Variants in STAG3 observed in about 807,000 individuals in gnomAD.
STAG3 encodes the protein cohesin subunit SA-3.
STAG3 carries 101 observed loss-of-function variants against 160.7 expected under a neutral mutation model. The ratio of observed to expected loss-of-function variants is 0.63; its 90% CI spans 0.54 to 0.74. STAG3 has a LOEUF of 0.74. Among genes scored for constraint, STAG3 ranks in the 30% least tolerant of loss-of-function variants. The pLI is 0.00. For synonymous variants in STAG3, 519 were observed against 585.0 expected (o/e 0.89, Z 1.63); for missense variants, 1,188 against 1,517.4 (o/e 0.78, Z 3.61).
intron 8 of STAG3, among the ~76,000 whole-genome samples, chr7:100,190,030 A>G (rs1378336834): frequency 1.3e-5 from 2 of 152,194 alleles, no homozygotes; most frequent in Non-Finnish European, 2.9e-5. Context: ...AACTCGCTTT[A>G]AATTCTGTTG....
intron 29 of STAG3, among the ~76,000 whole-genome samples, chr7:100,206,590 G>C (rs1801676282): frequency 6.6e-6 from 1 of 151,852 alleles, no homozygotes; most frequent in Admixed American, 6.6e-5. Flanking sequence ...TCCTCCCTCA[G>C]CCTCCTGAGT....
At chr7:100,205,496 T>G in intron 29 of STAG3, 112 bp downstream of exon 29, 3 of 1,164,424 alleles carry the variant, frequency 2.6e-6, no homozygotes, top group Non-Finnish European at 3.5e-6. Context: ...GGGTATTAAT[T>G]TCTTTCAAGG....
chr7:100,198,525 T>C lies in STAG3; in HGVS notation c.1295T>C (p.Val432Ala), dbSNP rs773267767. Residue 432 changes from valine to alanine, a missense_variant, in exon 13 of 34, where the codon GTT (valine) becomes GCT (alanine). By Grantham distance (64) the Val-to-Ala change is moderately conservative. Around this residue, in one of 4 missense-constraint regions of STAG3, gnomAD observed 240 missense variants for 358.1 expected, o/e 0.67. Coordinates refer to ENST00000615138, the MANE Select transcript of STAG3 (RefSeq NM_001282717.2). Reference protein sequence around the residue: ...TDADCESVYPVVYASHRGLAS... With the variant: ...TDADCESVYPAVYASHRGLAS... ...GCGGATTGTGAGAGCGTCTACCCAG[T>C]TGTGTATGCCTCTCATCGAGGCCTG... is the stretch of plus-strand genomic sequence containing the variant. 1 of 1,614,188 alleles carries C rather than the reference T, an allele frequency of 6.2e-7. No homozygotes were observed. The highest frequency in any genetic ancestry group is 1.7e-5 in the Admixed American group (1 of 60,028).
chr7:100,210,427 T>G (rs1410050132), intron 29 of STAG3, among the ~76,000 whole-genome samples: 1 of 152,240 alleles, frequency 6.6e-6, no homozygotes, highest in Non-Finnish European at 1.5e-5. Flanking sequence ...TTCTCCAATC[T>G]CTGCAGGAGA....
intron 29 of STAG3, among the ~76,000 whole-genome samples, chr7:100,209,078 A>G (rs1418060403): frequency 6.6e-6 from 1 of 152,118 alleles, no homozygotes; most frequent in Admixed American, 6.5e-5. Context: ...CAAAGAAACT[A>G]TTTGATTGGT....
In STAG3 at chr7:100,205,243, A is replaced by G. The variant is rs772281877; in HGVS notation, c.3097A>G (p.Lys1033Glu). Reference protein sequence around the residue: ...DKQLLLSYLEKCLQHVSQAPG... With the variant: ...DKQLLLSYLEECLQHVSQAPG... ...CTTTCATAGACTGTCCTATCTAGAA[A>G]AGTGCCTGCAGCATGTCTCCCAGGC... is the stretch of plus-strand genomic sequence containing the variant. Residue 1033 changes from lysine to glutamate, a missense_variant, in exon 29 of 34, where the codon AAG (lysine) becomes GAG (glutamate). Physicochemically the swap from Lys to Glu is moderately conservative, Grantham distance 56 (BLOSUM62 1). This residue lies in a region of STAG3 where 647 missense variants were observed against 717.2 expected (regional missense o/e 0.90). Coordinates refer to ENST00000615138, the MANE Select transcript of STAG3 (RefSeq NM_001282717.2). 2.5e-6 allele frequency: 4 copies of G among 1,613,978 alleles called. No homozygotes were observed. In the South Asian group the frequency reaches 3.3e-5, roughly 13 times the overall value.
In STAG3 at chr7:100,195,356, C is replaced by T. The variant is rs898045250; in HGVS notation, c.915C>T (p.Phe305=). 2 of 1,614,014 alleles carry T rather than the reference C, an allele frequency of 1.2e-6. No individual in the cohort carries two copies. The highest frequency in any genetic ancestry group is 1.3e-5 in the African/African-American group (1 of 74,922). The change falls in exon 9 of 34, where the codon TTC becomes TTT. Residue 305 remains phenylalanine (F), a synonymous_variant. Coordinates refer to ENST00000615138, the MANE Select transcript of STAG3 (RefSeq NM_001282717.2). ...EEIEGMMNAL[F]RGVFVHRYRD... ...TTGAGGGGATGATGAATGCCCTCTT[C>T]AGGGGTGTCTTTGTTCATCGGTACA...
intron 8 of STAG3, among the ~76,000 whole-genome samples, chr7:100,193,750 C>G (rs117264809): frequency 6.6e-6 from 1 of 152,086 alleles, no homozygotes; most frequent in Non-Finnish European, 1.5e-5. Flanking sequence ...ATCTTCTGTT[C>G]GGACTACTAA....
chr7:100,194,413 GGTAGA>G (rs1800550750), intron 8 of STAG3, among the ~76,000 whole-genome samples: 1 of 152,182 alleles, frequency 6.6e-6, no homozygotes, highest in Admixed American at 6.5e-5. Flanking sequence ...AACTCTTGTT[GGTAGA>G]GTAGTCAGAA....
rs752872487 is a variant in STAG3, at chr7:100,200,354, C to T, written c.1770+26C>T. 6 of 1,613,342 alleles carry T rather than the reference C, an allele frequency of 3.7e-6. No individual in the cohort carries two copies. The Admixed American group carries it at 6.7e-5, about 18-fold the overall frequency. ...GTACCGCTGCCCCTCCACTCTGCAT[C>T]ACACCAAGAGAAGTGAAAGGAAATG... On this transcript the variant is annotated intron_variant, in intron 17 of 33. Transcript: ENST00000615138.
Position 100,186,234 on chromosome 7 carries a change from A to G in STAG3, c.371A>G (p.Gln124Arg). 1 of 1,614,192 alleles carries G rather than the reference A, an allele frequency of 6.2e-7. No homozygotes were observed. Among genetic ancestry groups the G allele is most frequent in the Middle Eastern group, 1.6e-4 (1 of 6,062 alleles). ...GATGAGTGGCTGGATAGCTACAAGCAAGACCAGGATGCAGGATTTCTGGAG... is the reference window on the plus strand; with the variant it reads ...GATGAGTGGCTGGATAGCTACAAGCGAGACCAGGATGCAGGATTTCTGGAG... ...LVDEWLDSYK[Q>R]DQDAGFLELV... The change falls in exon 5 of 34, where the codon CAA becomes CGA. Residue 124 changes from glutamine (Q) to arginine (R), a missense_variant. By Grantham distance (43) the Gln-to-Arg change is conservative (BLOSUM62 1). Around this residue, in one of 4 missense-constraint regions of STAG3, gnomAD observed 296 missense variants for 404.0 expected, o/e 0.73. Coordinates refer to ENST00000615138, the MANE Select transcript of STAG3 (RefSeq NM_001282717.2).
At chr7:100,179,047 C>T (rs1043682387) in intron 1 of STAG3, among the ~76,000 whole-genome samples, 1 of 151,658 alleles carries the variant, frequency 6.6e-6, no homozygotes, top group African/African-American at 2.4e-5. Flanking sequence ...GCTATATTGC[C>T]CAGACTGATT....
chr7:100,200,534 T>TTGGAGA lies in STAG3; in HGVS notation c.1853_1858dup (p.Glu619_Lys620insMetGlu), dbSNP rs1431521404. ...CCTCCACATCTACTGCACTGGGCGC[T>TTGGAGA]TGGAGAAGGTAGGGAGATAGATTTC... On this transcript the variant is annotated inframe_insertion, in exon 18 of 34. Coordinates refer to ENST00000615138, the MANE Select transcript of STAG3 (RefSeq NM_001282717.2). 6.2e-7 allele frequency: 1 copy of TTGGAGA among 1,613,864 alleles called. No individual in the cohort carries two copies. Among genetic ancestry groups the TTGGAGA allele is most frequent in the African/African-American group, 1.3e-5 (1 of 74,904 alleles).
intron 29 of STAG3, among the ~76,000 whole-genome samples, chr7:100,206,243 C>T (rs1366646530): frequency 6.6e-6 from 1 of 152,058 alleles, no homozygotes; most frequent in Non-Finnish European, 1.5e-5. Context: ...GTCTTGATCT[C>T]CTGACCTCAT....
chr7:100,204,546 G>A (rs1801448849), intron 26 of STAG3, 81 bp from the exon 27 acceptor site: 2 of 1,533,854 alleles, frequency 1.3e-6, no homozygotes, highest in Admixed American at 3.9e-5. Flanking sequence ...TGGAATTTCT[G>A]AGTAGAGAAG....
chr7:100,184,235 C>T (rs915885996), intron 4 of STAG3, among the ~76,000 whole-genome samples: 14 of 150,596 alleles, frequency 9.3e-5, no homozygotes, highest in African/African-American at 3.4e-4. Flanking sequence ...CACGGCACTC[C>T]AGCCTGGATG....
intron 29 of STAG3, among the ~76,000 whole-genome samples, chr7:100,205,811 C>T (rs1801597566): frequency 6.8e-6 from 1 of 147,038 alleles, no homozygotes. Flanking sequence ...GCCTGGGTGA[C>T]AGAGCGAGAC....
At position 100,206,137 on chromosome 7, in the gene STAG3, C is replaced by G. The variant is rs1045355271; in HGVS notation, c.3238+753C>G. ...TCACGCCATTCTCCTGCCTCAGCCTCCCGAGTAGCTGGGACTACAGGCACC... is the reference window on the plus strand; with the variant it reads ...TCACGCCATTCTCCTGCCTCAGCCTGCCGAGTAGCTGGGACTACAGGCACC... On this transcript the variant is annotated intron_variant, in intron 29 of 33. Transcript: ENST00000615138. Among the ~76,000 whole-genome samples, 8 of 151,862 alleles carry G rather than the reference C, an allele frequency of 5.3e-5. No homozygotes were observed. The East Asian group carries it at 1.6e-3, about 30-fold the overall frequency.
Position 100,199,327 on chromosome 7 carries a change from C to T in STAG3, c.1533C>T (p.Asp511=). The T allele has an allele frequency of 2.5e-6, 4 of 1,614,152 alleles. No individual in the cohort carries two copies. Among genetic ancestry groups the T allele is most frequent in the Non-Finnish European group, 3.4e-6 (4 of 1,179,996 alleles). ...ACTGTGCAGGGGCTCGGCTGAAGGA[C>T]TGGGAGGGTCTGACAAGCCTGCTGC... is the stretch of plus-strand genomic sequence containing the variant. ...LWDCAGARLK[D]WEGLTSLLLE... Residue 511 remains aspartate, a synonymous_variant, in exon 15 of 34, where the codon GAC becomes GAT. Transcript: ENST00000615138.
Sources: allele counts gnomAD v4.1 joint callset (sites outside exome capture counted in the v4.1 genomes callset), GRCh38; gene constraint gnomAD v4.1.1; regional missense constraint gnomAD v4.1.1; transcripts MANE v1.5; gene names NCBI Gene and HGNC (gene_info 2026-07-23, HGNC 2026-07-21).